TANGO6: variants seen among roughly 807,000 people sequenced by gnomAD.
TANGO6 encodes the protein transport and Golgi organization protein 6 homolog.
Under a neutral mutation model 114.2 loss-of-function variants are expected in TANGO6, and 90 were observed. The ratio of observed to expected loss-of-function variants is 0.79; its 90% CI spans 0.66 to 0.94. The LOEUF is 0.94. TANGO6 is among the 40% of genes least tolerant of loss of function. TANGO6 has a pLI of 0.00. For missense variants in TANGO6, 1,274 were observed against 1,315.3 expected (o/e 0.97, Z 0.49); for synonymous variants, 477 against 509.8 (o/e 0.94, Z 0.87).
intron 14 of TANGO6, among the ~76,000 whole-genome samples, chr16:68,931,910 A>G (rs1053056009): frequency 1.3e-5 from 2 of 152,074 alleles, no homozygotes; most frequent in Non-Finnish European, 2.9e-5. Context: ...GCTGGAGTGC[A>G]GTGGCACAAT....
chr16:68,917,836 T>C (rs1360782539), intron 11 of TANGO6, among the ~76,000 whole-genome samples: 1 of 152,082 alleles, frequency 6.6e-6, no homozygotes, highest in Non-Finnish European at 1.5e-5. Flanking sequence ...TACTGCAGCC[T>C]TGACCTCCTG....
chr16:68,862,577 T>G (rs750432853), intron 2 of TANGO6, among the ~76,000 whole-genome samples: 15 of 152,172 alleles, frequency 9.9e-5, no homozygotes, highest in Non-Finnish European at 1.8e-4. Context: ...TGCAGCACCT[T>G]CTGCAGGGGA....
At chr16:68,895,321 C>T (rs1962690375) in intron 7 of TANGO6, among the ~76,000 whole-genome samples, 1 of 152,084 alleles carries the variant, frequency 6.6e-6, no homozygotes, top group African/African-American at 2.4e-5. Context: ...TGCACTCCAG[C>T]CTGGACCACA....
intron 17 of TANGO6, among the ~76,000 whole-genome samples, chr16:69,080,048 C>G (rs1960442953): frequency 6.6e-6 from 1 of 151,552 alleles, no homozygotes; most frequent in African/African-American, 2.4e-5. Flanking sequence ...TAGCAGGACC[C>G]CATCTTCAAA....
At chr16:68,912,018 T>C (rs1374361121) in intron 11 of TANGO6, among the ~76,000 whole-genome samples, 1 of 152,164 alleles carries the variant, frequency 6.6e-6, no homozygotes, top group East Asian at 1.9e-4. Context: ...AAAACCCTCA[T>C]AGGACATCTT....
At chr16:68,884,783 A>G (rs1962516791) in intron 7 of TANGO6, among the ~76,000 whole-genome samples, 1 of 152,234 alleles carries the variant, frequency 6.6e-6, no homozygotes, top group Admixed American at 6.5e-5. Flanking sequence ...AGATCTGGAA[A>G]TAATGAATCC....
At chr16:69,067,429 G>A (rs1960230111) in intron 17 of TANGO6, among the ~76,000 whole-genome samples, 2 of 149,914 alleles carry the variant, frequency 1.3e-5, no homozygotes, top group African/African-American at 4.9e-5. Flanking sequence ...AGAATCGCTT[G>A]AACCTGGAGA....
intron 12 of TANGO6, among the ~76,000 whole-genome samples, chr16:68,924,598 G>A (rs1597022462): frequency 6.6e-6 from 1 of 152,132 alleles, no homozygotes; most frequent in South Asian, 2.1e-4. Context: ...GACCAGCCTG[G>A]CCAAAATGGC....
At chr16:68,987,361 G>A (rs1298300983) in intron 15 of TANGO6, among the ~76,000 whole-genome samples, 8 of 152,038 alleles carry the variant, frequency 5.3e-5, no homozygotes, top group Non-Finnish European at 1.2e-4. Context: ...TGTTGTTGTT[G>A]CTGTTGTTGT....
chr16:68,984,634 A>C (rs1325290009), intron 15 of TANGO6, among the ~76,000 whole-genome samples: 1 of 151,616 alleles, frequency 6.6e-6, no homozygotes, highest in Non-Finnish European at 1.5e-5. Flanking sequence ...CCATCATCCC[A>C]CCTCAGCCTC....
intron 1 of TANGO6, among the ~76,000 whole-genome samples, chr16:68,844,967 C>CTTTTTT (rs200473627): frequency 1.5e-5 from 2 of 131,214 alleles, no homozygotes; most frequent in African/African-American, 2.9e-5. Flanking sequence ...AACGGCAACT[C>CTTTTTT]TTTTTTTTTT....
At chr16:68,945,388 CT>C (rs1345153553) in intron 14 of TANGO6, among the ~76,000 whole-genome samples, 1 of 150,866 alleles carries the variant, frequency 6.6e-6, no homozygotes, top group Non-Finnish European at 1.5e-5. Flanking sequence ...TTTTTAATTT[CT>C]TGGTTTTAGG....
intron 14 of TANGO6, among the ~76,000 whole-genome samples, chr16:68,962,504 C>T (rs954749134): frequency 6.6e-6 from 1 of 152,098 alleles, no homozygotes; most frequent in African/African-American, 2.4e-5. Context: ...TTATTGATTA[C>T]TTTGAACATA....
At chr16:68,870,930 G>A (rs945920799) in intron 4 of TANGO6, among the ~76,000 whole-genome samples, 1 of 150,420 alleles carries the variant, frequency 6.6e-6, no homozygotes, top group Admixed American at 6.6e-5. Flanking sequence ...ACAGGTGCCA[G>A]CCACCACGCC....
intron 17 of TANGO6, among the ~76,000 whole-genome samples, chr16:69,044,230 A>G (rs559014401): frequency 6.6e-6 from 1 of 152,188 alleles, no homozygotes; most frequent in South Asian, 2.1e-4. Flanking sequence ...ACGCTCAGCT[A>G]ATTTTTGTAT....
At chr16:68,928,211 G>T in intron 13 of TANGO6, 128 bp downstream of exon 13, 1 of 1,052,658 alleles carries the variant, frequency 9.5e-7, no homozygotes, top group South Asian at 1.8e-5. Context: ...TGTGAATTTT[G>T]TGAGGAGGCA....
At chr16:68,949,357 A>G (rs908274633) in intron 14 of TANGO6, among the ~76,000 whole-genome samples, 8 of 152,130 alleles carry the variant, frequency 5.3e-5, no homozygotes, top group African/African-American at 1.9e-4. Context: ...ATGATGGCTC[A>G]CACCTGTAAT....
At chr16:68,870,556 A>G (rs1352832821) in intron 4 of TANGO6, among the ~76,000 whole-genome samples, 2 of 152,200 alleles carry the variant, frequency 1.3e-5, no homozygotes, top group South Asian at 2.1e-4. Context: ...GAGAGCTACT[A>G]TAAGAAAATC....
At chr16:69,014,364 T>C (rs115418327) in intron 15 of TANGO6, among the ~76,000 whole-genome samples, 1,952 of 152,216 alleles carry the variant, frequency 0.013, 47 homozygotes, top group African/African-American at 0.045. Context: ...TAGCAGACTT[T>C]CCTTCACAAC....
Sources: gnomAD v4.1 joint callset for allele counts (sites outside exome capture counted in the v4.1 genomes callset) on GRCh38, gnomAD v4.1.1 for gene constraint, MANE v1.5 for transcripts, NCBI Gene and HGNC (gene_info 2026-07-23, HGNC 2026-07-21) for gene names.